USP35: variants seen among roughly 807,000 people sequenced by gnomAD.
USP35 encodes ubiquitin carboxyl-terminal hydrolase 35.
USP35 carries 69 observed loss-of-function variants against 83.8 expected under a neutral mutation model. The observed-to-expected ratio is 0.82, with a 90% CI of 0.68 to 1.01. The LOEUF (loss-of-function observed/expected upper bound fraction) is 1.01. Ranked by LOEUF, USP35 falls within the 50% of genes least tolerant of loss-of-function variation. USP35 has a pLI of 0.00. For missense variants in USP35, 1,503 were observed against 1,362.5 expected, an observed-to-expected ratio of 1.10 and a Z score of -1.62; for synonymous variants, 714 against 589.5, an observed-to-expected ratio of 1.21 and a Z score of -3.06.
At position 78,213,704 on chromosome 11, in the gene USP35, C is replaced by T. The variant is rs187882858; in HGVS notation, c.2948C>T (p.Pro983Leu). 734 of 1,531,566 alleles carry T rather than the reference C, an allele frequency of 4.8e-4. 1 individual carries two copies. Among genetic ancestry groups the T allele is most frequent in the East Asian group, 8.8e-4 (34 of 38,584 alleles). The allele number at this position is 1,531,566 out of a possible 1,614,324, so 94.9% of individuals were successfully genotyped here. A position where few individuals can be genotyped will look rare whatever the true frequency, so the allele number is the denominator to read the frequency against. The change falls in exon 11 of 11, where the codon CCG (proline) becomes CTG (leucine). Residue 983 changes from proline (P) to leucine (L), a missense_variant. Physicochemically the swap from Pro to Leu is moderately conservative, Grantham distance 98. Coordinates refer to ENST00000529308, the MANE Select transcript of USP35 (RefSeq NM_020798.4). ...AAYISALPTS[P>L]HWGRGFDEDK... ...TACATCTCTGCACTCCCCACATCTC[C>T]GCACTGGGGGAGGGGCTTTGATGAA...
In USP35 at chr11:78,203,888, TTTTC is replaced by T. The variant is rs1470620272; in HGVS notation, c.1198-1950_1198-1947del. 3.8e-5 allele frequency among the ~76,000 whole-genome samples: 4 copies of T among 104,766 alleles called. 1 individual carries two copies. The highest frequency in any genetic ancestry group is 3.8e-4 in the South Asian group (1 of 2,608). 68.7% of individuals were successfully genotyped at this position (104,766 alleles called of 152,430 possible). On this transcript the variant is annotated intron_variant, in intron 6 of 10. Transcript: ENST00000529308. ...CCACTGTACCCAGCCCATATTTTTC[TTTTC>T]TTTTTTTTTTTTTTTTGAGACGGAG...
chr11:78,189,601 G>A (rs1228980121), intron 1 of USP35, among the ~76,000 whole-genome samples: 1 of 152,118 alleles, frequency 6.6e-6, no homozygotes, highest in East Asian at 1.9e-4. Flanking sequence ...TTACGGCCCT[G>A]GCCCTTGCAA....
chr11:78,213,109 C>T (rs1418129984), intron 10 of USP35, among the ~76,000 whole-genome samples: 2 of 152,204 alleles, frequency 1.3e-5, no homozygotes, highest in Non-Finnish European at 2.9e-5. Context: ...TCACCAACAT[C>T]AACTCCTTCT....
At chr11:78,205,631 G>A (rs772529573) in intron 6 of USP35, among the ~76,000 whole-genome samples, 2 of 152,078 alleles carry the variant, frequency 1.3e-5, no homozygotes, top group Non-Finnish European at 2.9e-5. Flanking sequence ...AGGCAGTCCT[G>A]ACCTGAAAGA....
downstream of USP35, chr11:78,216,814 TG>T (rs934272269): frequency 5.3e-5 from 8 of 152,332 alleles, no homozygotes; most frequent in African/African-American, 1.9e-4. Flanking sequence ...CTCTGTCGTA[TG>T]GGGCCCCTTG....
At chr11:78,213,619 T>TCCTCTC in intron 10 of USP35, 27 bp from the exon 11 acceptor site, 1 of 1,458,188 alleles carries the variant, frequency 6.9e-7, no homozygotes, top group Non-Finnish European at 9.0e-7. Flanking sequence ...ATTCTAAGTC[T>TCCTCTC]AAGTCTCCTC....
chr11:78,190,364 TTTAAGATTTTCAGGG>T (rs1337008620), intron 1 of USP35, among the ~76,000 whole-genome samples: 5 of 152,170 alleles, frequency 3.3e-5, no homozygotes, highest in Non-Finnish European at 7.3e-5. Context: ...TTGACTGATG[TTTAAGATTTTCAGGG>T]TTTTTGATAT....
At chr11:78,228,839 C>CG in the USP35 span, among the ~76,000 whole-genome samples, 1 of 76,422 alleles carries the variant, frequency 1.3e-5, no homozygotes, top group African/African-American at 5.1e-5. Flanking sequence ...ACGGGGGTGG[C>CG]GGGGGGAGCG....
chr11:78,204,405 T>G (rs1863471530), intron 6 of USP35, among the ~76,000 whole-genome samples: 1 of 152,240 alleles, frequency 6.6e-6, no homozygotes, highest in Non-Finnish European at 1.5e-5. Context: ...TGTATCAGGT[T>G]GTGGCGGTTT....
the USP35 span, chr11:78,226,865 G>A: frequency 2.8e-5 from 45 of 1,614,028 alleles, no homozygotes; most frequent in Non-Finnish European, 3.6e-5. Context: ...CCAGGCTGCG[G>A]GGGAGGTCGT....
chr11:78,209,478 G>C lies in USP35; in HGVS notation c.1623G>C (p.Arg541Ser). The change falls in exon 10 of 11, where the codon AGG (arginine) becomes AGC (serine). Residue 541 changes from arginine (R) to serine (S), a missense_variant. Transcript: ENST00000529308. Reference sequence around the variant, plus strand: ...ACGAAGAGGAGAAAACGGGCACAAGGATCTGCCAGAAACTCAAGCAGTCCA... The same window carrying C: ...ACGAAGAGGAGAAAACGGGCACAAGCATCTGCCAGAAACTCAAGCAGTCCA... ...RLHEEEKTGT[R>S]ICQKLKQSSS... The C allele has an allele frequency of 1.9e-6, 3 of 1,611,618 alleles. No homozygotes were observed. Among genetic ancestry groups the C allele is most frequent in the Non-Finnish European group, 2.5e-6 (3 of 1,178,350 alleles).
At chr11:78,193,362 A>G (rs1383895204) in intron 1 of USP35, among the ~76,000 whole-genome samples, 2 of 147,214 alleles carry the variant, frequency 1.4e-5, no homozygotes, top group African/African-American at 5.2e-5. Flanking sequence ...TGGCTAATTG[A>G]TGTAATTTTT....
rs1324468810 is a variant in USP35 at position 78,196,570 on chromosome 11, C to T, written c.325C>T (p.Gln109Ter). 1 of 1,242,978 alleles carries T rather than the reference C, an allele frequency of 8.0e-7. No individual in the cohort carries two copies. The highest frequency in any genetic ancestry group is 1.0e-6 in the Non-Finnish European group (1 of 990,826). The allele number at this position is 1,242,978 out of a possible 1,614,324, so 77.0% of individuals were successfully genotyped here. Residue 109 changes from glutamine to a stop codon, truncating the protein, a stop_gained, in exon 2 of 11, where the codon CAG becomes TAG. Transcript: ENST00000529308. LOFTEE classifies it high-confidence loss of function. The surrounding 1 kb of genome is among the most constrained non-coding windows in gnomAD (Gnocchi z 4.8). ...RALACVQLGL[Q>*]LLPEGPAADE... ...GCTCGCCTGCGTGCAGCTGGGTCTG[C>T]AGCTGCTGCCCGAGGGGCCTGCGGC... is the stretch of plus-strand genomic sequence containing the variant.
Position 78,213,784 on chromosome 11 carries a change from G to C in USP35, c.3028G>C (p.Gly1010Arg), listed in dbSNP as rs773406917. The C allele has an allele frequency of 1.3e-6, 2 of 1,550,738 alleles. No homozygotes were observed. The highest frequency in any genetic ancestry group is 5.1e-5 in the East Asian group (2 of 39,444). Reference protein sequence around the residue: ...PGGCNPAGGNGGDFHRLVF With the variant: ...PGGCNPAGGNRGDFHRLVF ...GGGCTGCAATCCTGCAGGTGGCAAT[G>C]GTGGTGACTTCCACAGACTGGTCTT... Residue 1010 changes from glycine to arginine, a missense_variant, in exon 11 of 11, where the codon GGT becomes CGT. By Grantham distance (125) the Gly-to-Arg change is moderately radical (BLOSUM62 -2). Transcript: ENST00000529308.
At chr11:78,204,709 G>A (rs549997956) in intron 6 of USP35, among the ~76,000 whole-genome samples, 1 of 152,288 alleles carries the variant, frequency 6.6e-6, no homozygotes, top group South Asian at 2.1e-4. Context: ...AAGAAGGGAC[G>A]AAGAAGATAC....
chr11:78,202,193 A>T (rs770855115), intron 6 of USP35, among the ~76,000 whole-genome samples: 2 of 152,202 alleles, frequency 1.3e-5, no homozygotes, highest in Non-Finnish European at 2.9e-5. Flanking sequence ...GTTGGTAGGG[A>T]CAGGAGGTCA....
downstream of USP35, chr11:78,219,303 G>A (rs1267396988): frequency 6.2e-7 from 1 of 1,613,846 alleles, no homozygotes; most frequent in South Asian, 1.1e-5. Context: ...AGGCTCTGAG[G>A]ACTGCCGCAC....
At chr11:78,205,248 ACT>A (rs914742853) in intron 6 of USP35, among the ~76,000 whole-genome samples, 2 of 152,196 alleles carry the variant, frequency 1.3e-5, no homozygotes, top group African/African-American at 4.8e-5. Context: ...TGGGGAGGTG[ACT>A]CTCTCTTCTT....
rs1863209709 is a variant in USP35 at position 78,198,053 on chromosome 11, T to C, written c.791T>C (p.Leu264Pro). The C allele has an allele frequency of 3.1e-6, 5 of 1,614,092 alleles. No homozygotes were observed. In the South Asian group the frequency reaches 5.5e-5, roughly 18 times the overall value. Residue 264 changes from leucine to proline, a missense_variant, in exon 3 of 11, where the codon CTG becomes CCG. Physicochemically the swap from Leu to Pro is moderately conservative, Grantham distance 98. Coordinates refer to ENST00000529308, the MANE Select transcript of USP35 (RefSeq NM_020798.4). ...GACAGTGTGACAGACTCGCAGATGC[T>C]GACTGCCATTAGCAGGTGGGACGCT... ...NDDSVTDSQM[L>P]TAISRMIDWV... is the part of the protein sequence containing the mutation.
Sources: gnomAD v4.1 joint callset for allele counts (sites outside exome capture counted in the v4.1 genomes callset) on GRCh38, gnomAD v4.1.1 for gene constraint, Gnocchi (gnomAD v3.1) non-coding constraint, MANE v1.5 for transcripts, NCBI Gene and HGNC (gene_info 2026-07-23, HGNC 2026-07-21) for gene names.